The following ARHGAP26 variants were observed in gnomAD, a reference collection of about 807,000 sequenced individuals.
ARHGAP26 encodes the protein Rho GTPase activating protein 26.
Under a neutral mutation model 104.8 loss-of-function variants are expected in ARHGAP26, and 38 were observed. That is an observed-to-expected ratio of 0.36 (90% CI 0.28 to 0.48). The LOEUF is 0.48. ARHGAP26 is among the 20% of genes least tolerant of loss of function. The pLI, the probability that ARHGAP26 is intolerant of heterozygous loss-of-function variation, is 0.99. For synonymous variants in ARHGAP26, 341 were observed against 340.0 expected (o/e 1.00, Z -0.03); for missense variants, 704 against 947.9 (o/e 0.74, Z 3.38).
intron 17 of ARHGAP26, among the ~76,000 whole-genome samples, chr5:143,081,267 A>T (rs2150441248): frequency 6.6e-6 from 1 of 152,282 alleles, no homozygotes; most frequent in South Asian, 2.1e-4. Context: ...TACAGCATTT[A>T]GAAGTGGGAA....
intron 17 of ARHGAP26, among the ~76,000 whole-genome samples, chr5:143,112,403 G>T (rs924248246): frequency 6.6e-6 from 1 of 152,086 alleles, no homozygotes; most frequent in African/African-American, 2.4e-5. Context: ...GCCTTGAGAG[G>T]TCAGCTGGAT....
intron 20 of ARHGAP26, among the ~76,000 whole-genome samples, chr5:143,199,613 A>G (rs1012601454): frequency 3.3e-5 from 5 of 152,328 alleles, no homozygotes; most frequent in South Asian, 4.1e-4. Context: ...TAATAGCACC[A>G]TCACCACCTA....
chr5:142,980,530 A>C (rs1332517181), intron 11 of ARHGAP26, among the ~76,000 whole-genome samples: 3 of 151,964 alleles, frequency 2.0e-5, no homozygotes, highest in Non-Finnish European at 2.9e-5. Context: ...CTGGGATTAC[A>C]GGTGCCCACC....
chr5:142,782,934 G>T (rs1276194273), intron 1 of ARHGAP26, among the ~76,000 whole-genome samples: 1 of 152,120 alleles, frequency 6.6e-6, no homozygotes, highest in Non-Finnish European at 1.5e-5. Context: ...AGATTCTCTG[G>T]CTTTACCCAA....
chr5:142,937,728 A>G (rs1172388901), intron 11 of ARHGAP26, among the ~76,000 whole-genome samples: 2 of 152,342 alleles, frequency 1.3e-5, no homozygotes, highest in South Asian at 2.1e-4. Flanking sequence ...GAAATGAACT[A>G]TTGGTACACA....
intron 5 of ARHGAP26, among the ~76,000 whole-genome samples, chr5:142,888,162 T>G (rs541369519): frequency 5.9e-5 from 9 of 152,204 alleles, no homozygotes; most frequent in Non-Finnish European, 1.2e-4. Flanking sequence ...ATAGATGTGG[T>G]TACTACTCTG....
chr5:143,209,409 A>G (rs559456384), intron 21 of ARHGAP26, among the ~76,000 whole-genome samples: 2 of 152,164 alleles, frequency 1.3e-5, no homozygotes, highest in Non-Finnish European at 2.9e-5. Context: ...CTGGGGTCAC[A>G]GTTACTCAGT....
intron 1 of ARHGAP26, among the ~76,000 whole-genome samples, chr5:142,815,189 T>G (rs569131917): frequency 1.3e-5 from 2 of 151,944 alleles, no homozygotes; most frequent in African/African-American, 4.8e-5. Flanking sequence ...TTAGTAGAGA[T>G]ATGGTTTCAC....
intron 1 of ARHGAP26, among the ~76,000 whole-genome samples, chr5:142,793,884 C>T (rs1760399050): frequency 6.6e-6 from 1 of 152,166 alleles, no homozygotes; most frequent in African/African-American, 2.4e-5. Flanking sequence ...CCATGCCCAG[C>T]CTCAGTTGGT....
intron 12 of ARHGAP26, among the ~76,000 whole-genome samples, chr5:143,031,838 C>T (rs1272332141): frequency 2.0e-5 from 3 of 152,150 alleles, no homozygotes; most frequent in South Asian, 2.1e-4. Context: ...CAAGCCTCCT[C>T]CTTTTAGATA....
chr5:143,059,959 A>C (rs974683918), intron 17 of ARHGAP26, among the ~76,000 whole-genome samples: 4 of 152,240 alleles, frequency 2.6e-5, no homozygotes, highest in African/African-American at 7.2e-5. Flanking sequence ...ATGAATGAGC[A>C]GTGTTGAATC....
At chr5:143,072,006 T>C (rs989063321) in intron 17 of ARHGAP26, among the ~76,000 whole-genome samples, 8 of 151,800 alleles carry the variant, frequency 5.3e-5, no homozygotes, top group Non-Finnish European at 4.4e-5. Flanking sequence ...ACCTACAGAA[T>C]GGGAGAAAAT....
intron 1 of ARHGAP26, among the ~76,000 whole-genome samples, chr5:142,776,492 T>C (rs1251092151): frequency 6.6e-6 from 1 of 152,264 alleles, no homozygotes; most frequent in Non-Finnish European, 1.5e-5. Context: ...AATGGAATCA[T>C]ATAATATGTA....
At chr5:143,034,287 A>C (rs1416713510) in intron 12 of ARHGAP26, among the ~76,000 whole-genome samples, 1 of 152,208 alleles carries the variant, frequency 6.6e-6, no homozygotes, top group Non-Finnish European at 1.5e-5. Flanking sequence ...TCACACAGAG[A>C]CTTGTACACA....
chr5:142,823,554 G>A (rs143067646), intron 1 of ARHGAP26, among the ~76,000 whole-genome samples: 5 of 152,094 alleles, frequency 3.3e-5, no homozygotes, highest in Admixed American at 6.5e-5. Context: ...TTACTCTGCC[G>A]TTTGCTGGTG....
chr5:143,062,553 G>A (rs1786877609), intron 17 of ARHGAP26, among the ~76,000 whole-genome samples: 1 of 135,198 alleles, frequency 7.4e-6, no homozygotes, highest in South Asian at 2.4e-4. Flanking sequence ...CCTGTGACTT[G>A]AGTCTGAGTA....
chr5:142,792,580 A>T (rs1427031367), intron 1 of ARHGAP26, among the ~76,000 whole-genome samples: 1 of 152,118 alleles, frequency 6.6e-6, no homozygotes, highest in African/African-American at 2.4e-5. Context: ...CCGTGCAGGG[A>T]TCTAGTACCA....
chr5:142,972,227 A>G (rs1219095867), intron 11 of ARHGAP26, among the ~76,000 whole-genome samples: 1 of 151,116 alleles, frequency 6.6e-6, no homozygotes, highest in Non-Finnish European at 1.5e-5. Context: ...GATGAGGAAG[A>G]GCAAGTCAGA....
At chr5:142,834,308 C>G (rs946815613) in intron 1 of ARHGAP26, among the ~76,000 whole-genome samples, 4 of 152,248 alleles carry the variant, frequency 2.6e-5, no homozygotes, top group Non-Finnish European at 5.9e-5. Flanking sequence ...CATCTCATCT[C>G]TAGCCTTTCC....
Sources: allele counts gnomAD v4.1 joint callset (sites outside exome capture counted in the v4.1 genomes callset), GRCh38; gene constraint gnomAD v4.1.1; transcripts MANE v1.5; gene names NCBI Gene and HGNC (gene_info 2026-07-23, HGNC 2026-07-21).